ZFYVE1: variants seen among roughly 807,000 people sequenced by gnomAD.
ZFYVE1 encodes zinc finger FYVE domain-containing protein 1.
ZFYVE1 carries 30 observed loss-of-function variants against 74.4 expected under a neutral mutation model. The observed-to-expected ratio is 0.40, with a 90% CI of 0.30 to 0.55. The LOEUF is 0.55. ZFYVE1 is among the 20% of genes least tolerant of loss of function. The pLI is 0.42. For synonymous variants in ZFYVE1, 335 were observed against 385.1 expected (o/e 0.87, Z 1.52); for missense variants, 703 against 1,011.6 (o/e 0.69, Z 4.14).
chr14:72,983,563 G>T (rs1240149149), intron 4 of ZFYVE1, among the ~76,000 whole-genome samples: 1 of 151,906 alleles, frequency 6.6e-6, no homozygotes, highest in Admixed American at 6.6e-5. Flanking sequence ...AGTATTCCAT[G>T]GTGTATATGT....
At chr14:72,984,491 T>C (rs1893427504) in intron 4 of ZFYVE1, among the ~76,000 whole-genome samples, 1 of 151,222 alleles carries the variant, frequency 6.6e-6, no homozygotes, top group South Asian at 2.1e-4. Flanking sequence ...ATCACGCCAT[T>C]GCACTCCAGC....
intron 11 of ZFYVE1, 95 bp downstream of exon 11, chr14:72,973,985 C>G (rs1226598326): frequency 2.9e-6 from 3 of 1,024,402 alleles, no homozygotes; most frequent in Non-Finnish European, 4.5e-6. Flanking sequence ...CCATCTCAAT[C>G]TAGGTTGGCA....
intron 2 of ZFYVE1, among the ~76,000 whole-genome samples, chr14:73,009,830 G>T (rs906474311): frequency 6.6e-6 from 1 of 152,144 alleles, no homozygotes. Context: ...AGGATAGGCC[G>T]AGCATAGTGG....
rs537067226 is a variant in ZFYVE1, at chr14:73,005,999, G to C, written c.484-7684C>G. Among the ~76,000 whole-genome samples the C allele has an allele frequency of 1.2e-4, 18 of 151,860 alleles. No homozygotes were observed. In the South Asian group the frequency reaches 2.3e-3, roughly 19 times the overall value. On this transcript the variant is annotated intron_variant, in intron 2 of 11. Transcript: ENST00000556143. ...TGCAGTGGCACGATCTCAGCTCACTGCAAGTTCCGCCTCCCCGGTTCAGGC... is the reference window on the plus strand; with the variant it reads ...TGCAGTGGCACGATCTCAGCTCACTCCAAGTTCCGCCTCCCCGGTTCAGGC...
At chr14:73,008,886 G>A (rs760191717) in intron 2 of ZFYVE1, among the ~76,000 whole-genome samples, 4 of 152,148 alleles carry the variant, frequency 2.6e-5, no homozygotes, top group Admixed American at 1.3e-4. Flanking sequence ...AGAGAGTTAG[G>A]TTTAAATCAT....
chr14:73,012,176 G>A (rs915672409), intron 2 of ZFYVE1, among the ~76,000 whole-genome samples: 1 of 152,080 alleles, frequency 6.6e-6, no homozygotes, highest in Admixed American at 6.6e-5. Flanking sequence ...GAGAAAGAAA[G>A]GAAAAGGGGA....
At chr14:72,992,924 G>A (rs937957628) in intron 4 of ZFYVE1, among the ~76,000 whole-genome samples, 8 of 152,026 alleles carry the variant, frequency 5.3e-5, no homozygotes, top group African/African-American at 9.7e-5. Context: ...GCTGAGGACC[G>A]GGCACTTTTT....
chr14:72,981,536 T>C (rs998298641), intron 5 of ZFYVE1, among the ~76,000 whole-genome samples: 2 of 152,174 alleles, frequency 1.3e-5, no homozygotes, highest in African/African-American at 4.8e-5. Flanking sequence ...TTCACATCTA[T>C]ACCAGCTGGA....
intron 3 of ZFYVE1, among the ~76,000 whole-genome samples, chr14:72,996,290 T>C (rs1216943797): frequency 1.3e-5 from 2 of 152,182 alleles, no homozygotes; most frequent in Admixed American, 6.6e-5. Flanking sequence ...GAAGTGTAAA[T>C]TAAGCTTTTG....
chr14:72,994,268 A>C (rs1893692247), intron 3 of ZFYVE1, among the ~76,000 whole-genome samples: 1 of 137,958 alleles, frequency 7.2e-6, no homozygotes, highest in South Asian at 2.5e-4. Context: ...GGTTGCAGTG[A>C]GCCGGGATCG....
intron 2 of ZFYVE1, among the ~76,000 whole-genome samples, chr14:72,998,880 A>G (rs1455683801): frequency 6.6e-6 from 1 of 151,906 alleles, no homozygotes; most frequent in Admixed American, 6.6e-5. Context: ...GGGTGGGGCC[A>G]AGTGAGGTGA....
chr14:72,992,352 G>A (rs1487611207), intron 4 of ZFYVE1, among the ~76,000 whole-genome samples: 6 of 152,144 alleles, frequency 3.9e-5, no homozygotes, highest in Non-Finnish European at 8.8e-5. Flanking sequence ...GAGCTCTAGC[G>A]TAAACTGGCC....
At chr14:72,981,044 G>T (rs895334544) in intron 5 of ZFYVE1, among the ~76,000 whole-genome samples, 1 of 152,086 alleles carries the variant, frequency 6.6e-6, no homozygotes, top group African/African-American at 2.4e-5. Context: ...GCCATTGCCC[G>T]GGAGCTTGAC....
rs1254127676 is a variant in ZFYVE1 at position 72,975,801 on chromosome 14, C to A, written c.1636-80G>T. The A allele has an allele frequency of 1.6e-5, 24 of 1,532,464 alleles. No individual in the cohort carries two copies. Among genetic ancestry groups the A allele is most frequent in the Non-Finnish European group, 1.8e-5 (20 of 1,127,510 alleles). The allele number at this position is 1,532,464 out of a possible 1,614,324, so 94.9% of individuals were successfully genotyped here. ...AGGAAGAGGGATGTTTGGTGAGTTG[C>A]ACACTCACCGTGGCCAACTCAGAAC... On this transcript the variant is annotated intron_variant, in intron 8 of 11. Transcript: ENST00000556143. The surrounding 1 kb of genome is among the most constrained non-coding windows in gnomAD (Gnocchi z 4.1).
intron 1 of ZFYVE1, among the ~76,000 whole-genome samples, chr14:73,025,664 C>G (rs1288382176): frequency 1.4e-5 from 2 of 146,704 alleles, no homozygotes; most frequent in African/African-American, 5.0e-5. Context: ...CCACTGCACT[C>G]CAGCCTGGAA....
At chr14:73,022,483 A>C (rs894713364) in intron 2 of ZFYVE1, among the ~76,000 whole-genome samples, 4 of 152,218 alleles carry the variant, frequency 2.6e-5, no homozygotes, top group African/African-American at 9.6e-5. Context: ...TACTGACTAC[A>C]ACAAACTGGT....
At position 73,023,197 on chromosome 14, in the gene ZFYVE1, A is replaced by ATATGTTTTATATGTAATATATATAT. The variant is rs1567366547; in HGVS notation, c.483+828_483+829insATATATATATTACATATAAAACATA. ...ATATATATATATATATATATATTTT[A>ATATGTTTTATATGTAATATATATAT]TATATGTTTTATATATAATATATAT... On this transcript the variant is annotated intron_variant, in intron 2 of 11. Coordinates refer to ENST00000556143, the MANE Select transcript of ZFYVE1 (RefSeq NM_021260.4). 6.5e-5 allele frequency among the ~76,000 whole-genome samples: 9 copies of ATATGTTTTATATGTAATATATATAT among 137,608 alleles called. No homozygotes were observed. In the East Asian group the frequency reaches 8.0e-4, roughly 12 times the overall value. 90.3% of individuals were successfully genotyped at this position (137,608 alleles called of 152,430 possible).
At chr14:73,017,736 ACAC>A (rs1397149358) in intron 2 of ZFYVE1, among the ~76,000 whole-genome samples, 1 of 152,094 alleles carries the variant, frequency 6.6e-6, no homozygotes, top group Non-Finnish European at 1.5e-5. Context: ...CACCAAATCT[ACAC>A]CACTTCTTTC....
intron 2 of ZFYVE1, among the ~76,000 whole-genome samples, chr14:72,998,901 C>T (rs1266244520): frequency 6.6e-6 from 1 of 150,766 alleles, no homozygotes; most frequent in Non-Finnish European, 1.5e-5. Context: ...CTCAGGAGTC[C>T]AAGACCAGCC....
Sources: gnomAD v4.1 joint callset for allele counts (sites outside exome capture counted in the v4.1 genomes callset) on GRCh38, gnomAD v4.1.1 for gene constraint, Gnocchi (gnomAD v3.1) non-coding constraint, MANE v1.5 for transcripts, NCBI Gene and HGNC (gene_info 2026-07-23, HGNC 2026-07-21) for gene names.